NEDD4L: variants seen among roughly 807,000 people sequenced by gnomAD.
NEDD4L encodes NEDD4 like E3 ubiquitin protein ligase, also known as E3 ubiquitin-protein ligase NEDD4-like.
A neutral mutation model predicts 148.9 loss-of-function variants in NEDD4L; 54 were observed. That is an observed-to-expected ratio of 0.36 (90% CI 0.29 to 0.45). The LOEUF is 0.45. NEDD4L is among the 20% of genes least tolerant of loss of function. The pLI is 1.00. For missense variants in NEDD4L, 856 were observed against 1,233.8 expected (o/e 0.69, Z 4.59); for synonymous variants, 433 against 440.7 (o/e 0.98, Z 0.22).
At chr18:58,395,430 G>A (rs2050361462) in intron 30 of NEDD4L, among the ~76,000 whole-genome samples, 1 of 152,180 alleles carries the variant, frequency 6.6e-6, no homozygotes, top group Admixed American at 6.5e-5. Flanking sequence ...TGTCACAGAA[G>A]CACAGAGGCC....
At position 58,358,507 on chromosome 18, in the gene NEDD4L, C is replaced by CA. The variant is rs2045027042; in HGVS notation, c.1767+1259dup. On this transcript the variant is annotated intron_variant, in intron 19 of 30. Transcript: ENST00000400345. ...TTTTGACATAACTTTGAAGCCTTTT[C>CA]AAAATATTTTTATCACTTATCAATT... Among the ~76,000 whole-genome samples, 4 of 152,230 alleles carry CA rather than the reference C, an allele frequency of 2.6e-5. No homozygotes were observed. In the South Asian group the frequency reaches 6.2e-4, roughly 24 times the overall value.
At chr18:58,355,441 T>A (rs2044478901) in intron 18 of NEDD4L, among the ~76,000 whole-genome samples, 1 of 152,254 alleles carries the variant, frequency 6.6e-6, no homozygotes, top group South Asian at 2.1e-4. Flanking sequence ...CAGATGCAGA[T>A]GTCCAGGATG....
intron 13 of NEDD4L, 105 bp from the exon 14 acceptor site, chr18:58,340,933 T>A (rs2042338382): frequency 1.7e-6 from 2 of 1,194,720 alleles, no homozygotes; most frequent in Admixed American, 2.8e-5. Context: ...TAGATCTAAT[T>A]AACTTTGTCT....
intron 5 of NEDD4L, among the ~76,000 whole-genome samples, chr18:58,265,278 T>C (rs539661080): frequency 1.3e-5 from 2 of 152,230 alleles, no homozygotes; most frequent in South Asian, 4.1e-4. Flanking sequence ...TTATTTTTCA[T>C]GTGAAACGTT....
At chr18:58,139,915 T>C (rs1201382145) in intron 1 of NEDD4L, among the ~76,000 whole-genome samples, 1 of 152,170 alleles carries the variant, frequency 6.6e-6, no homozygotes, top group Admixed American at 6.5e-5. Context: ...TAGGTTATGT[T>C]AAGGCTCCTA....
chr18:58,315,608 A>G (rs1484595221), intron 5 of NEDD4L, among the ~76,000 whole-genome samples: 2 of 152,126 alleles, frequency 1.3e-5, no homozygotes, highest in Admixed American at 1.3e-4. Flanking sequence ...AGTTTTTAGC[A>G]TTGGATCAGT....
intron 1 of NEDD4L, among the ~76,000 whole-genome samples, chr18:58,060,410 G>C (rs4600541): frequency 0.81 from 122,819 of 152,040 alleles, 50,177 homozygotes; most frequent in East Asian, 1. Flanking sequence ...CGTTGGGCCC[G>C]GCAATCTGGG....
At chr18:58,356,634 A>G (rs939507602) in intron 18 of NEDD4L, among the ~76,000 whole-genome samples, 2 of 152,234 alleles carry the variant, frequency 1.3e-5, no homozygotes, top group Non-Finnish European at 2.9e-5. Flanking sequence ...CCTCTGCTGT[A>G]TCTAATTCTC....
chr18:58,212,299 G>A (rs1568398418), intron 2 of NEDD4L, among the ~76,000 whole-genome samples: 1 of 151,858 alleles, frequency 6.6e-6, no homozygotes, highest in East Asian at 1.9e-4. Context: ...TTCTCATACT[G>A]CTAATAAAGA....
chr18:58,362,169 C>T (rs765616602), intron 19 of NEDD4L, among the ~76,000 whole-genome samples: 4 of 152,214 alleles, frequency 2.6e-5, no homozygotes, highest in Non-Finnish European at 4.4e-5. Context: ...GGCAAGGGAA[C>T]GGGCATCATA....
chr18:58,086,658 A>G (rs1460494922), intron 1 of NEDD4L, among the ~76,000 whole-genome samples: 1 of 152,134 alleles, frequency 6.6e-6, no homozygotes, highest in Admixed American at 6.5e-5. Context: ...GCCTTACTTG[A>G]CTTTCTTCAC....
At chr18:58,286,173 A>G (rs918601107) in intron 5 of NEDD4L, among the ~76,000 whole-genome samples, 3 of 152,230 alleles carry the variant, frequency 2.0e-5, no homozygotes, top group Admixed American at 2.0e-4. Flanking sequence ...ATAGCCAACT[A>G]TGAATTATTT....
chr18:58,231,139 C>T (rs535617364), intron 2 of NEDD4L, among the ~76,000 whole-genome samples: 2 of 150,662 alleles, frequency 1.3e-5, no homozygotes, highest in African/African-American at 4.9e-5. Flanking sequence ...GTCCCAGCTA[C>T]TCACAGGGGC....
At chr18:58,394,628 G>A (rs998145026) in intron 30 of NEDD4L, among the ~76,000 whole-genome samples, 1 of 152,200 alleles carries the variant, frequency 6.6e-6, no homozygotes, top group Non-Finnish European at 1.5e-5. Flanking sequence ...GGATTCCTGG[G>A]TTCCTGAGAA....
chr18:58,310,625 C>T (rs577438962), intron 5 of NEDD4L, among the ~76,000 whole-genome samples: 72 of 152,334 alleles, frequency 4.7e-4, no homozygotes, highest in East Asian at 1.5e-3. Flanking sequence ...TGGGTGGAAC[C>T]GCACTCACAC....
intron 21 of NEDD4L, 39 bp from the exon 22 acceptor site, chr18:58,367,707 A>G (rs770086602): frequency 1.9e-6 from 3 of 1,611,282 alleles, no homozygotes; most frequent in Non-Finnish European, 2.5e-6. Context: ...CTTGCATTTG[A>G]AAGTGTGATT....
At chr18:58,323,470 C>A in intron 8 of NEDD4L, 136 bp downstream of exon 8, 1 of 591,860 alleles carries the variant, frequency 1.7e-6, no homozygotes, top group Non-Finnish European at 3.0e-6. Context: ...GCAAATTGGT[C>A]ATTGATAGTC....
At chr18:58,281,283 C>T (rs912386371) in intron 5 of NEDD4L, among the ~76,000 whole-genome samples, 2 of 151,344 alleles carry the variant, frequency 1.3e-5, no homozygotes, top group African/African-American at 2.4e-5. Flanking sequence ...CTGCTGTGCC[C>T]AGCCTATATT....
intron 2 of NEDD4L, among the ~76,000 whole-genome samples, chr18:58,201,342 A>AC (rs974430152): frequency 6.6e-6 from 1 of 152,142 alleles, no homozygotes; most frequent in African/African-American, 2.4e-5. Context: ...CAAAAAAAAA[A>AC]AGCAGAAGAT....
Sources: gnomAD v4.1 joint callset for allele counts (sites outside exome capture counted in the v4.1 genomes callset) on GRCh38, gnomAD v4.1.1 for gene constraint, MANE v1.5 for transcripts, NCBI Gene and HGNC (gene_info 2026-07-23, HGNC 2026-07-21) for gene names.